The following PCBP3 variants were observed in gnomAD, a reference collection of about 807,000 sequenced individuals.
The protein encoded by PCBP3 is poly(rC)-binding protein 3.
A neutral mutation model predicts 52.7 loss-of-function variants in PCBP3; 25 were observed. That is an observed-to-expected ratio of 0.47 (90% CI 0.35 to 0.66). The LOEUF (loss-of-function observed/expected upper bound fraction) is 0.66. Among genes scored for constraint, PCBP3 ranks in the 30% least tolerant of loss-of-function variants. The pLI is 0.01. For missense variants in PCBP3, 391 were observed against 490.3 expected (o/e 0.80, Z 1.91); for synonymous variants, 162 against 183.0 (o/e 0.89, Z 0.93).
At chr21:45,696,150 G>C (rs894757888) in intron 2 of PCBP3, among the ~76,000 whole-genome samples, 3 of 148,982 alleles carry the variant, frequency 2.0e-5, no homozygotes, top group Non-Finnish European at 4.4e-5. Flanking sequence ...ACATACATAC[G>C]GAAAACATGA....
At chr21:45,799,963 T>A (rs1276126438) in intron 4 of PCBP3, among the ~76,000 whole-genome samples, 2 of 152,180 alleles carry the variant, frequency 1.3e-5, no homozygotes, top group East Asian at 3.9e-4. Context: ...GGCTCTCCAA[T>A]GCCTGGTTGC....
chr21:45,830,181 A>C lies in PCBP3; in HGVS notation c.-125-19780A>C, dbSNP rs1569281699. 1 of 152,788 alleles carries C rather than the reference A, an allele frequency of 6.5e-6. No homozygotes were observed. Among genetic ancestry groups the C allele is most frequent in the South Asian group, 2.1e-4 (1 of 4,832 alleles). The allele number at this position is 152,788 out of a possible 1,614,324, so 9.5% of individuals were successfully genotyped here. A position where few individuals can be genotyped will look rare whatever the true frequency, so the allele number is the denominator to read the frequency against. ...CCTAGACCAGTCTCCAGGCAGGGCAAATGGCCCCTCTGTGCCCCATAGCCT... is the reference window on the plus strand; with the variant it reads ...CCTAGACCAGTCTCCAGGCAGGGCACATGGCCCCTCTGTGCCCCATAGCCT... On this transcript the variant is annotated intron_variant, in intron 4 of 17. Coordinates refer to ENST00000681687, the MANE Select transcript of PCBP3 (RefSeq NM_001384156.1). This position sits in a 1 kb window ranked among gnomAD's most constrained non-coding sequence, Gnocchi z 4.4.
rs374167924 is a variant in PCBP3, at chr21:45,903,664, A to G, written c.339+2551A>G. Among the ~76,000 whole-genome samples the G allele has an allele frequency of 2.6e-5, 4 of 152,358 alleles. No individual in the cohort carries two copies. In the East Asian group the frequency reaches 7.7e-4, roughly 29 times the overall value. On this transcript the variant is annotated intron_variant, in intron 9 of 17. Coordinates refer to ENST00000681687, the MANE Select transcript of PCBP3 (RefSeq NM_001384156.1). ...GAAAAGGGACCATCAACAGAGGTGG[A>G]TGACAACCAGGGGTCCATGGAGAAT...
chr21:45,702,195 T>C (rs531775489), intron 2 of PCBP3, among the ~76,000 whole-genome samples: 1 of 152,234 alleles, frequency 6.6e-6, no homozygotes, highest in Non-Finnish European at 1.5e-5. Flanking sequence ...AGTAAACTTG[T>C]AGTATTTTAT....
chr21:45,917,464 G>A lies in PCBP3; in HGVS notation c.676-124G>A. On this transcript the variant is annotated intron_variant, in intron 12 of 17. Coordinates refer to ENST00000681687, the MANE Select transcript of PCBP3 (RefSeq NM_001384156.1). The surrounding 1 kb of genome is among the most constrained non-coding windows in gnomAD (Gnocchi z 5.3). The stretch of plus-strand genomic sequence containing the variant: ...GGCCCTTTGTCCTAGGATGGGGACA[G>A]GTGGAGAGGCACACGAGGGGGAAGC... The A allele has an allele frequency of 5.4e-6, 4 of 739,062 alleles. No individual in the cohort carries two copies. Among genetic ancestry groups the A allele is most frequent in the Non-Finnish European group, 7.1e-6 (3 of 422,594 alleles). The allele number at this position is 739,062 out of a possible 1,614,324, so 45.8% of individuals were successfully genotyped here.
intron 6 of PCBP3, among the ~76,000 whole-genome samples, chr21:45,898,562 T>TCCCTCC (rs1569467370): frequency 1.8e-5 from 2 of 109,242 alleles, no homozygotes; most frequent in Admixed American, 9.8e-5. Context: ...AGCCTCCCTC[T>TCCCTCC]ACACGCCATC....
intron 9 of PCBP3, among the ~76,000 whole-genome samples, chr21:45,903,885 G>A (rs2096130450): frequency 6.6e-6 from 1 of 152,124 alleles, no homozygotes; most frequent in African/African-American, 2.4e-5. Flanking sequence ...GTCCTGTGTG[G>A]GAGTCTTTTT....
At chr21:45,661,955 T>G (rs1037944415) in intron 1 of PCBP3, among the ~76,000 whole-genome samples, 1 of 152,234 alleles carries the variant, frequency 6.6e-6, no homozygotes, top group Non-Finnish European at 1.5e-5. Context: ...AAAATGCCTG[T>G]TCATGTTTGC....
intron 1 of PCBP3, among the ~76,000 whole-genome samples, chr21:45,668,247 G>A (rs1168718874): frequency 6.6e-6 from 1 of 151,990 alleles, no homozygotes; most frequent in African/African-American, 2.4e-5. Flanking sequence ...TACCCTGTGG[G>A]CATCTCATTC....
intron 4 of PCBP3, among the ~76,000 whole-genome samples, chr21:45,845,754 G>C (rs1003344346): frequency 6.6e-6 from 1 of 152,274 alleles, no homozygotes; most frequent in Non-Finnish European, 1.5e-5. Context: ...CATGTGTGTA[G>C]TTTGCAGCTG....
rs1224298314 is a variant in PCBP3 at position 45,669,787 on chromosome 21, T to TTG, written c.-200+853_-200+854dup. On this transcript the variant is annotated intron_variant, in intron 2 of 17. Transcript: ENST00000681687. Reference sequence around the variant, plus strand: ...CTTTTTAAGACTGAATAATATTCCATTGTGTGTGTGTGTGTGTGTATATAT... The same window carrying TTG: ...CTTTTTAAGACTGAATAATATTCCATTGTGTGTGTGTGTGTGTGTGTATATAT... Among the ~76,000 whole-genome samples the TTG allele has an allele frequency of 9.9e-4, 78 of 78,996 alleles. 1 individual carries two copies. The highest frequency in any genetic ancestry group is 1.9e-3 in the South Asian group (4 of 2,106). 51.8% of individuals were successfully genotyped at this position (78,996 alleles called of 152,430 possible).
At chr21:45,877,437 AAG>A (rs1174499585) in intron 5 of PCBP3, among the ~76,000 whole-genome samples, 1 of 152,234 alleles carries the variant, frequency 6.6e-6, no homozygotes, top group Admixed American at 6.5e-5. Context: ...TTTTTAAAAA[AAG>A]AGTAACTGGC....
At chr21:45,678,724 G>T (rs1398430527) in intron 2 of PCBP3, among the ~76,000 whole-genome samples, 7 of 151,770 alleles carry the variant, frequency 4.6e-5, no homozygotes, top group Non-Finnish European at 7.4e-5. Flanking sequence ...TCTACTAGTA[G>T]TGAAGATGCT....
intron 1 of PCBP3, among the ~76,000 whole-genome samples, chr21:45,659,891 A>G (rs2080272428): frequency 1.3e-5 from 2 of 152,214 alleles, no homozygotes; most frequent in South Asian, 4.2e-4. Context: ...AGAATGTTCC[A>G]TGTGTATTTG....
Position 45,741,306 on chromosome 21 carries a change from T to C in PCBP3, c.-162+5877T>C, listed in dbSNP as rs1011953756. On this transcript the variant is annotated intron_variant, in intron 3 of 17. Transcript: ENST00000681687. The surrounding 1 kb of genome is among the most constrained non-coding windows in gnomAD (Gnocchi z 4.5). ...AAAGAAAGCAGTGGGGAGGCCCTTA[T>C]TCACTGTGAGAAGCAGAAACATTGT... Among the ~76,000 whole-genome samples the C allele has an allele frequency of 6.6e-6, 1 of 152,134 alleles. No homozygotes were observed. Among genetic ancestry groups the C allele is most frequent in the Non-Finnish European group, 1.5e-5 (1 of 68,016 alleles).
At chr21:45,692,268 G>GT (rs1200447664) in intron 2 of PCBP3, among the ~76,000 whole-genome samples, 1 of 151,942 alleles carries the variant, frequency 6.6e-6, no homozygotes, top group African/African-American at 2.4e-5. Context: ...ATAATCTAAA[G>GT]TAAGTTGAAG....
At chr21:45,660,643 G>A (rs1009760169) in intron 1 of PCBP3, among the ~76,000 whole-genome samples, 5 of 152,152 alleles carry the variant, frequency 3.3e-5, no homozygotes, top group African/African-American at 1.2e-4. Flanking sequence ...ATTTGTAACA[G>A]TTTAGTTTGG....
In PCBP3 at chr21:45,805,165, C is replaced by T. The variant is rs892843547; in HGVS notation, c.-125-44796C>T. On this transcript the variant is annotated intron_variant, in intron 4 of 17. Coordinates refer to ENST00000681687, the MANE Select transcript of PCBP3 (RefSeq NM_001384156.1). This position sits in a 1 kb window ranked among gnomAD's most constrained non-coding sequence, Gnocchi z 4.6. ...GCTACCACATATGGCGCTTCCTAGC[C>T]GGGCACTATGCCACAGCCACACCCC... Among the ~76,000 whole-genome samples, 2 of 152,152 alleles carry T rather than the reference C, an allele frequency of 1.3e-5. No homozygotes were observed. Among genetic ancestry groups the T allele is most frequent in the Non-Finnish European group, 2.9e-5 (2 of 68,010 alleles).
At chr21:45,866,416 G>T (rs1396487967) in intron 5 of PCBP3, among the ~76,000 whole-genome samples, 4 of 152,238 alleles carry the variant, frequency 2.6e-5, no homozygotes, top group African/African-American at 7.2e-5. Flanking sequence ...GAGCAAAAGA[G>T]AGGCTCATGG....
Sources: gnomAD v4.1 joint callset for allele counts (sites outside exome capture counted in the v4.1 genomes callset) on GRCh38, gnomAD v4.1.1 for gene constraint, Gnocchi (gnomAD v3.1) non-coding constraint, MANE v1.5 for transcripts, NCBI Gene and HGNC (gene_info 2026-07-23, HGNC 2026-07-21) for gene names.